The following PIK3R4 variants were observed in gnomAD, a reference collection of about 807,000 sequenced individuals.
The protein encoded by PIK3R4 is phosphoinositide 3-kinase regulatory subunit 4.
In PIK3R4, 46 loss-of-function variants were observed where a neutral mutation model predicts 136.5. The observed-to-expected ratio is 0.34, with a 90% confidence interval of 0.27 to 0.43. The LOEUF (loss-of-function observed/expected upper bound fraction) is 0.43, where lower values mean the gene tolerates loss of function less well. PIK3R4 is among the 20% of genes least tolerant of loss of function. The pLI is 1.00. For missense variants in PIK3R4, 1,331 were observed against 1,649.5 expected, an observed-to-expected ratio of 0.81 and a Z score of 3.35; for synonymous variants, 557 against 566.7, an observed-to-expected ratio of 0.98 and a Z score of 0.24.
At position 130,683,112 on chromosome 3, in the gene PIK3R4, G is replaced by A. The variant is rs191410678; in HGVS notation, c.3607+1138C>T. The stretch of plus-strand genomic sequence containing the variant: ...AAGTGGGATGAGAAAAAGAGCAGTC[G>A]AGGATAATTCCAGGCTTCTGAGCAC... On this transcript the variant is annotated intron_variant, in intron 16 of 19. Transcript: ENST00000356763. Among the ~76,000 whole-genome samples the A allele has an allele frequency of 1.9e-3, 287 of 152,286 alleles. 1 individual carries two copies. The highest frequency in any genetic ancestry group is 6.7e-3 in the African/African-American group (279 of 41,562).
intron 13 of PIK3R4, among the ~76,000 whole-genome samples, chr3:130,691,257 G>A (rs2066516970): frequency 6.6e-6 from 1 of 152,060 alleles, no homozygotes; most frequent in South Asian, 2.1e-4. Context: ...CATTGGCTTT[G>A]GAATCACGGA....
At chr3:130,684,806 T>C (rs927582184) in intron 15 of PIK3R4, among the ~76,000 whole-genome samples, 1 of 152,228 alleles carries the variant, frequency 6.6e-6, no homozygotes, top group Non-Finnish European at 1.5e-5. Context: ...AGCAGCAGCT[T>C]TGTAGCTATC....
At chr3:130,714,969 G>A (rs552539438) in intron 9 of PIK3R4, among the ~76,000 whole-genome samples, 2 of 152,110 alleles carry the variant, frequency 1.3e-5, no homozygotes, top group Admixed American at 6.5e-5. Context: ...GTCCAGTAAC[G>A]GGATTGCTGG....
intron 14 of PIK3R4, among the ~76,000 whole-genome samples, chr3:130,687,087 A>G (rs1415400121): frequency 8.8e-5 from 9 of 102,228 alleles, no homozygotes. Context: ...TTTTTTTTTT[A>G]GCATGAAACA....
chr3:130,722,274 T>C (rs1265865678), intron 7 of PIK3R4, among the ~76,000 whole-genome samples: 1 of 152,174 alleles, frequency 6.6e-6, no homozygotes, highest in African/African-American at 2.4e-5. Flanking sequence ...TCTAAGGGAG[T>C]TATCCATTGA....
At chr3:130,723,718 A>C (rs2066716495) in intron 6 of PIK3R4, 131 bp from the exon 7 acceptor site, 1 of 670,138 alleles carries the variant, frequency 1.5e-6, no homozygotes, top group South Asian at 2.6e-5. Flanking sequence ...TGCACTTCCT[A>C]CCCAGCATGA....
chr3:130,746,126 C>T (rs188551417), intron 1 of PIK3R4, among the ~76,000 whole-genome samples, 192 bp downstream of exon 1: 174 of 152,242 alleles, frequency 1.1e-3, no homozygotes, highest in African/African-American at 4.0e-3. Context: ...TTCCAGTGTG[C>T]CCTCTCACCC....
chr3:130,696,241 C>T (rs543390526), intron 13 of PIK3R4, among the ~76,000 whole-genome samples: 23 of 150,956 alleles, frequency 1.5e-4, no homozygotes, highest in African/African-American at 3.7e-4. Context: ...TCTACTTTTG[C>T]TGATTTTTTT....
chr3:130,690,717 C>T (rs1249977116), intron 13 of PIK3R4, 63 bp from the exon 14 acceptor site: 1 of 1,022,458 alleles, frequency 9.8e-7, no homozygotes, highest in Non-Finnish European at 1.5e-6. Flanking sequence ...TAAATATCCA[C>T]ATGGCCATTA....
At chr3:130,729,902 T>C (rs563352230) in intron 5 of PIK3R4, among the ~76,000 whole-genome samples, 3 of 152,314 alleles carry the variant, frequency 2.0e-5, no homozygotes, top group East Asian at 3.9e-4. Flanking sequence ...TGTTCCTTTA[T>C]GGTTTTTTGT....
chr3:130,696,766 G>A (rs746434328), intron 13 of PIK3R4, among the ~76,000 whole-genome samples: 3 of 152,058 alleles, frequency 2.0e-5, no homozygotes, highest in Non-Finnish European at 4.4e-5. Flanking sequence ...AAATCTGGTT[G>A]GTTTGTAGTG....
chr3:130,705,985 A>G (rs547659663), intron 11 of PIK3R4, among the ~76,000 whole-genome samples: 6 of 152,326 alleles, frequency 3.9e-5, no homozygotes, highest in Admixed American at 2.6e-4. Flanking sequence ...TTTTTTATAT[A>G]AATCCTACAT....
chr3:130,696,601 TAACA>T (rs1334546652), intron 13 of PIK3R4, among the ~76,000 whole-genome samples: 1 of 152,234 alleles, frequency 6.6e-6, no homozygotes, highest in Non-Finnish European at 1.5e-5. Context: ...CCAATTTGGT[TAACA>T]AACATACTTC....
rs1428198624 is a variant in PIK3R4 at position 130,708,351 on chromosome 3, C to G, written c.2473G>C (p.Gly825Arg). 3.7e-6 allele frequency: 6 copies of G among 1,613,818 alleles called. No homozygotes were observed. The highest frequency in any genetic ancestry group is 5.1e-6 in the Non-Finnish European group (6 of 1,179,778). ...AGATCAACTTGTCTCCCAGTTATGCCTAAAGCTGCCAAGTCAATTACACCT... is the reference window on the plus strand; with the variant it reads ...AGATCAACTTGTCTCCCAGTTATGCGTAAAGCTGCCAAGTCAATTACACCT... ...QKGVIDLAALGITGRQVDLVK... is the reference protein window; with the variant it reads ...QKGVIDLAALRITGRQVDLVK... Residue 825 changes from glycine (G) to arginine (R), a missense_variant, in exon 10 of 20, where the codon GGC (glycine) becomes CGC (arginine). Around this residue, in one of 2 missense-constraint regions of PIK3R4, gnomAD observed 1,180 missense variants for 1,407.0 expected, o/e 0.84. Coordinates refer to ENST00000356763, the MANE Select transcript of PIK3R4 (RefSeq NM_014602.3).
chr3:130,726,680 T>G lies in PIK3R4; in HGVS notation c.1807+1783A>C, dbSNP rs548950242. On this transcript the variant is annotated intron_variant, in intron 6 of 19. Coordinates refer to ENST00000356763, the MANE Select transcript of PIK3R4 (RefSeq NM_014602.3). Reference sequence around the variant, plus strand: ...GTCATTTATTTTCTTCTGGTTTCCGTATTTTCCAAATTTTTCTAAGTTTTA... The same window carrying G: ...GTCATTTATTTTCTTCTGGTTTCCGGATTTTCCAAATTTTTCTAAGTTTTA... Among the ~76,000 whole-genome samples the G allele has an allele frequency of 6.6e-5, 10 of 152,248 alleles. 1 individual carries two copies. Among genetic ancestry groups the G allele is most frequent in the African/African-American group, 2.4e-4 (10 of 41,568 alleles).
chr3:130,718,002 T>C (rs932440028), intron 8 of PIK3R4, among the ~76,000 whole-genome samples: 4 of 152,156 alleles, frequency 2.6e-5, no homozygotes, highest in African/African-American at 9.7e-5. Context: ...AAACTTAAAT[T>C]TGAAAAAGAC....
intron 8 of PIK3R4, among the ~76,000 whole-genome samples, chr3:130,717,250 A>G (rs1466950792): frequency 6.6e-6 from 1 of 152,088 alleles, no homozygotes; most frequent in Non-Finnish European, 1.5e-5. Context: ...GCCAGTGGAA[A>G]CCAGCATAAA....
At position 130,706,898 on chromosome 3, in the gene PIK3R4, G is replaced by A. The variant is rs758549766; in HGVS notation, c.2721+50C>T. 4 of 1,451,474 alleles carry A rather than the reference G, an allele frequency of 2.8e-6. No homozygotes were observed. The Admixed American group carries it at 9.0e-5, about 33-fold the overall frequency. 89.9% of individuals were successfully genotyped at this position (1,451,474 alleles called of 1,614,324 possible). A position where few individuals can be genotyped will look rare whatever the true frequency, so the allele number is the denominator to read the frequency against. On this transcript the variant is annotated intron_variant, in intron 11 of 19. Transcript: ENST00000356763. Reference sequence around the variant, plus strand: ...CAGCCTTTAAACAACCAAAATAGCAGAAGAGCGTTCAAAGACATTAGGAGG... The same window carrying A: ...CAGCCTTTAAACAACCAAAATAGCAAAAGAGCGTTCAAAGACATTAGGAGG...
intron 8 of PIK3R4, among the ~76,000 whole-genome samples, 153 bp from the exon 9 acceptor site, chr3:130,716,752 T>A (rs2066667042): frequency 6.6e-6 from 1 of 152,200 alleles, no homozygotes; most frequent in Non-Finnish European, 1.5e-5. Flanking sequence ...AAAAGAATAC[T>A]AGTAAAATTT....
Sources: gnomAD v4.1 joint callset for allele counts (sites outside exome capture counted in the v4.1 genomes callset) on GRCh38, gnomAD v4.1.1 for gene constraint, gnomAD v4.1.1 regional missense constraint, MANE v1.5 for transcripts, NCBI Gene and HGNC (gene_info 2026-07-23, HGNC 2026-07-21) for gene names.